Variants in KCNH5 observed in about 807,000 individuals in gnomAD.
The protein encoded by KCNH5 is voltage-gated delayed rectifier potassium channel KCNH5.
A neutral mutation model predicts 96.1 loss-of-function variants in KCNH5; 46 were observed. That is an observed-to-expected ratio of 0.48 (90% CI 0.38 to 0.61). The LOEUF (loss-of-function observed/expected upper bound fraction) is 0.61, where lower values mean the gene tolerates loss of function less well. Among genes scored for constraint, KCNH5 ranks in the 20% least tolerant of loss-of-function variants. KCNH5 has a pLI of 0.00. For synonymous variants in KCNH5, 439 were observed against 449.8 expected, an observed-to-expected ratio of 0.98 and a Z score of 0.30; for missense variants, 907 against 1,225.8, an observed-to-expected ratio of 0.74 and a Z score of 3.88.
At chr14:62,961,210 AC>A (rs1183770183) in intron 6 of KCNH5, among the ~76,000 whole-genome samples, 1 of 151,910 alleles carries the variant, frequency 6.6e-6, no homozygotes, top group African/African-American at 2.4e-5. Flanking sequence ...CCTTAACACA[AC>A]CTACCCCTGC....
intron 4 of KCNH5, among the ~76,000 whole-genome samples, chr14:62,992,496 T>G (rs996056194): frequency 6.6e-6 from 1 of 151,964 alleles, no homozygotes; most frequent in African/African-American, 2.4e-5. Context: ...CTGCTATTTT[T>G]TGTCTTTTTA....
At chr14:63,033,775 T>C (rs1027468619) in intron 1 of KCNH5, among the ~76,000 whole-genome samples, 7 of 146,322 alleles carry the variant, frequency 4.8e-5, no homozygotes, top group Non-Finnish European at 1.0e-4. Context: ...ATAAGGACCA[T>C]GGCAGGTATT....
chr14:62,911,387 T>G (rs779184680), intron 7 of KCNH5, among the ~76,000 whole-genome samples: 20 of 151,562 alleles, frequency 1.3e-4, no homozygotes, highest in Non-Finnish European at 2.8e-4. Context: ...CACATCATTC[T>G]CCTGCCTCAG....
intron 2 of KCNH5, among the ~76,000 whole-genome samples, chr14:63,014,752 G>A (rs1452064164): frequency 6.6e-6 from 1 of 152,110 alleles, no homozygotes; most frequent in East Asian, 1.9e-4. Context: ...AGGAGTCAGA[G>A]AAGGGAAAAA....
chr14:62,959,605 T>C (rs575970916), intron 6 of KCNH5, among the ~76,000 whole-genome samples: 21 of 152,266 alleles, frequency 1.4e-4, no homozygotes, highest in Admixed American at 3.3e-4. Flanking sequence ...GTTTGTCTTA[T>C]AGAGTTTCCT....
At position 62,870,252 on chromosome 14, in the gene KCNH5, T is replaced by A. The variant is rs578018927; in HGVS notation, c.1370-20400A>T. Among the ~76,000 whole-genome samples the A allele has an allele frequency of 2.7e-4, 41 of 152,338 alleles. 2 individuals carry two copies. The South Asian group carries it at 8.1e-3, about 30-fold the overall frequency. ...ACATACATGGAAACACTTCTGTAAA[T>A]ATTCTCATGCATTTCATAAAGTGAT... On this transcript the variant is annotated intron_variant, in intron 7 of 10. Transcript: ENST00000322893.
intron 7 of KCNH5, among the ~76,000 whole-genome samples, chr14:62,920,500 C>T (rs76791104): frequency 0.13 from 20,499 of 151,860 alleles, 1,621 homozygotes; most frequent in East Asian, 0.37. Flanking sequence ...CTCACATAAC[C>T]TCCAGTGTGA....
Position 62,702,270 on chromosome 14 carries a change from G to A in KCNH5, c.*5238C>T, listed in dbSNP as rs909376015. On this transcript the variant is annotated 3_prime_UTR_variant, in exon 11 of 11. Coordinates refer to ENST00000322893, the MANE Select transcript of KCNH5 (RefSeq NM_139318.5). ...GGGCACCTTTTGCTTAAGACAGTAT[G>A]ATTTCAAACTCTGTCATTGACTCTG... The A allele has an allele frequency of 6.6e-6, 1 of 152,008 alleles. No homozygotes were observed. The highest frequency in any genetic ancestry group is 2.4e-5 in the African/African-American group (1 of 41,424). The allele number at this position is 152,008 out of a possible 1,614,324, so 9.4% of individuals were successfully genotyped here. A position where few individuals can be genotyped will look rare whatever the true frequency, so the allele number is the denominator to read the frequency against.
At chr14:62,721,691 T>C (rs1946385805) in intron 10 of KCNH5, among the ~76,000 whole-genome samples, 2 of 152,174 alleles carry the variant, frequency 1.3e-5, no homozygotes. Flanking sequence ...TTCATTTCCA[T>C]ATCTACATAC....
chr14:62,938,752 T>G (rs147922093), intron 7 of KCNH5, among the ~76,000 whole-genome samples: 20 of 152,316 alleles, frequency 1.3e-4, no homozygotes, highest in African/African-American at 4.8e-4. Context: ...GGAATTAATA[T>G]TAAATTCATT....
At chr14:63,006,572 G>A (rs1594671971) in intron 2 of KCNH5, 100 bp from the exon 3 acceptor site, 2 of 689,734 alleles carry the variant, frequency 2.9e-6, no homozygotes, top group African/African-American at 1.8e-5. Context: ...AATGTGGCTA[G>A]AAAATATAAT....
In KCNH5 at chr14:63,016,922, C is replaced by G. The variant is rs138796167; in HGVS notation, c.106G>C (p.Val36Leu). 2 of 1,606,336 alleles carry G rather than the reference C, an allele frequency of 1.2e-6. No individual in the cohort carries two copies. The highest frequency in any genetic ancestry group is 2.7e-5 in the African/African-American group (2 of 74,566). ...TTACTATAAACTACAGGCCAATCCA[C>G]AATCTGGGCATTTCCCAGTAAGAAA... is the stretch of plus-strand genomic sequence containing the variant. ...SSFLLGNAQIVDWPVVYSNDG... is the reference protein window; with the variant it reads ...SSFLLGNAQILDWPVVYSNDG... Residue 36 changes from valine to leucine, a missense_variant, in exon 2 of 11, where the codon GTG becomes CTG. Transcript: ENST00000322893.
intron 7 of KCNH5, 21 bp downstream of exon 7, chr14:62,950,112 T>A: frequency 6.2e-7 from 1 of 1,607,272 alleles, no homozygotes; most frequent in Non-Finnish European, 8.5e-7. Context: ...TAATTTTCAA[T>A]GAAAAAATTA....
chr14:62,854,277 G>A (rs1372874394), intron 7 of KCNH5, among the ~76,000 whole-genome samples: 2 of 152,064 alleles, frequency 1.3e-5, no homozygotes, highest in Admixed American at 1.3e-4. Context: ...TCCCAATATA[G>A]ACCAGTTCCT....
chr14:62,829,006 C>G (rs1166108894), intron 8 of KCNH5, among the ~76,000 whole-genome samples: 1 of 152,122 alleles, frequency 6.6e-6, no homozygotes, highest in Non-Finnish European at 1.5e-5. Flanking sequence ...CAAAGGAGTT[C>G]CAGGACTTTG....
chr14:62,786,375 G>A (rs1436540481), intron 9 of KCNH5, among the ~76,000 whole-genome samples: 2 of 151,982 alleles, frequency 1.3e-5, no homozygotes, highest in African/African-American at 4.8e-5. Context: ...CTTAATCCAT[G>A]CCTTCACTTC....
At chr14:62,878,654 T>C (rs1404287874) in intron 7 of KCNH5, among the ~76,000 whole-genome samples, 2 of 152,146 alleles carry the variant, frequency 1.3e-5, no homozygotes, top group Admixed American at 1.3e-4. Context: ...GAGCAAAAAG[T>C]TTGAAGGTCC....
chr14:62,819,060 G>A (rs535944489), intron 8 of KCNH5, among the ~76,000 whole-genome samples: 31 of 152,084 alleles, frequency 2.0e-4, no homozygotes, highest in Non-Finnish European at 4.3e-4. Context: ...TCCGCCTTCC[G>A]GGTTCACGCC....
intron 8 of KCNH5, among the ~76,000 whole-genome samples, chr14:62,812,178 G>A (rs1264019955): frequency 6.6e-6 from 1 of 151,964 alleles, no homozygotes; most frequent in Non-Finnish European, 1.5e-5. Context: ...CTGGTTCTCT[G>A]TACTAAAAAA....
Sources: gnomAD v4.1 joint callset for allele counts (sites outside exome capture counted in the v4.1 genomes callset) on GRCh38, gnomAD v4.1.1 for gene constraint, MANE v1.5 for transcripts, NCBI Gene and HGNC (gene_info 2026-07-23, HGNC 2026-07-21) for gene names.